The following PIK3CD variants were observed in gnomAD, a reference collection of about 807,000 sequenced individuals.
PIK3CD encodes the protein phosphatidylinositol 4,5-bisphosphate 3-kinase catalytic subunit delta isoform.
PIK3CD carries 20 observed loss-of-function variants against 122.9 expected under a neutral mutation model. That is an observed-to-expected ratio of 0.16 (90% CI 0.11 to 0.24). PIK3CD has a LOEUF of 0.24. PIK3CD is among the 10% of genes least tolerant of loss of function. The pLI is 1.00. For synonymous variants in PIK3CD, 596 were observed against 593.4 expected (o/e 1.00, Z -0.06); for missense variants, 787 against 1,406.3 (o/e 0.56, Z 7.04).
the PIK3CD span, among the ~76,000 whole-genome samples, chr1:9,631,926 A>G: frequency 6.6e-6 from 1 of 152,154 alleles, no homozygotes; most frequent in Non-Finnish European, 1.5e-5. Flanking sequence ...CCAGGGCTCT[A>G]TTCTCAGAGC....
intron 3 of PIK3CD, among the ~76,000 whole-genome samples, chr1:9,712,486 G>A (rs1167759093): frequency 1.3e-5 from 2 of 151,954 alleles, no homozygotes. Context: ...TCACCATGTT[G>A]GCCAGGCTGG....
chr1:9,695,314 C>T lies in PIK3CD; in HGVS notation c.-33+3743C>T, dbSNP rs149057368. On this transcript the variant is annotated intron_variant, in intron 2 of 23. Transcript: ENST00000377346. ...GCTCAAGAAAAAAAGGCAAGAGAAACGGAGGAAGGAAAAGTATGTAGGAAA... is the reference window on the plus strand; with the variant it reads ...GCTCAAGAAAAAAAGGCAAGAGAAATGGAGGAAGGAAAAGTATGTAGGAAA... Among the ~76,000 whole-genome samples the T allele has an allele frequency of 2.7e-3, 404 of 152,056 alleles. 1 individual carries two copies. Among genetic ancestry groups the T allele is most frequent in the African/African-American group, 9.3e-3 (384 of 41,476 alleles).
intron 1 of PIK3CD, among the ~76,000 whole-genome samples, chr1:9,664,049 CTTTTTT>C (rs754341558): frequency 9.8e-6 from 1 of 101,774 alleles, no homozygotes. Context: ...TTCTTTCTTT[CTTTTTT>C]TTTTTTTTTT....
intron 1 of PIK3CD, among the ~76,000 whole-genome samples, chr1:9,674,405 C>T (rs538348945): frequency 5.3e-4 from 81 of 152,216 alleles, no homozygotes; most frequent in African/African-American, 1.9e-3. Context: ...GTTGGCCGGG[C>T]GCGGTGGCTC....
chr1:9,664,049 C>CTTTTTTTTTTTTTTTTTTTTTTTTTTTT (rs754341558), intron 1 of PIK3CD, among the ~76,000 whole-genome samples: 2 of 101,778 alleles, frequency 2.0e-5, no homozygotes, highest in Non-Finnish European at 1.8e-5. Flanking sequence ...TTCTTTCTTT[C>CTTTTTTTTTTTTTTTTTTTTTTTTTTTT]TTTTTTTTTT....
upstream of PIK3CD, among the ~76,000 whole-genome samples, chr1:9,646,824 T>A (rs1022360634): frequency 1.3e-5 from 2 of 151,678 alleles, no homozygotes; most frequent in South Asian, 4.2e-4. Flanking sequence ...GCTTGGTGGC[T>A]CACGCCTTTA....
At chr1:9,657,872 G>A (rs1315383616) in intron 1 of PIK3CD, among the ~76,000 whole-genome samples, 1 of 152,084 alleles carries the variant, frequency 6.6e-6, no homozygotes, top group Non-Finnish European at 1.5e-5. Flanking sequence ...GAGGGGTTTG[G>A]GGAGCCCCAT....
chr1:9,712,660 TTTC>T (rs1647103366), intron 3 of PIK3CD, among the ~76,000 whole-genome samples: 2 of 152,342 alleles, frequency 1.3e-5, no homozygotes, highest in African/African-American at 4.8e-5. Context: ...TTGAGAGTTT[TTTC>T]TTCTTCTCTT....
the PIK3CD span, among the ~76,000 whole-genome samples, chr1:9,643,473 AAGGGAGGG>A: frequency 1.9e-5 from 2 of 102,942 alleles, no homozygotes; most frequent in Non-Finnish European, 3.9e-5. Context: ...GGAGGGAAGG[AAGGGAGGG>A]AGGGAGGGAG....
chr1:9,639,219 A>G, the PIK3CD span, among the ~76,000 whole-genome samples: 3 of 152,056 alleles, frequency 2.0e-5, no homozygotes, highest in South Asian at 2.1e-4. Flanking sequence ...AACCATCTCT[A>G]TTCCTTCTCA....
rs752064221 is a variant in PIK3CD, at chr1:9,721,607, C to A, written c.1955+20C>A. 41 of 1,612,090 alleles carry A rather than the reference C, an allele frequency of 2.5e-5. No homozygotes were observed. Among genetic ancestry groups the A allele is most frequent in the Non-Finnish European group, 3.2e-5 (38 of 1,179,972 alleles). On this transcript the variant is annotated intron_variant, in intron 15 of 23. Transcript: ENST00000377346. ...CCTCCGGTAGCGGGACTTGCCCCAG[C>A]CGTTCTGTGGGAATCCCAGCCCCTG... is the stretch of plus-strand genomic sequence containing the variant.
At chr1:9,716,187 A>G (rs1647401990) in intron 5 of PIK3CD, 109 bp downstream of exon 5, 2 of 999,222 alleles carry the variant, frequency 2.0e-6, no homozygotes, top group Non-Finnish European at 3.1e-6. Context: ...GTGGCATCAG[A>G]TGGTGTTTGC....
Position 9,710,738 on chromosome 1 carries a change from C to G in PIK3CD, c.141+142C>G. On this transcript the variant is annotated intron_variant, in intron 3 of 23. Coordinates refer to ENST00000377346, the MANE Select transcript of PIK3CD (RefSeq NM_005026.5). This position sits in a 1 kb window ranked among gnomAD's most constrained non-coding sequence, Gnocchi z 4.7. Reference sequence around the variant, plus strand: ...ATGGACAGATGCACTGCTTTTCAGACTTGGGATCCTCAGATGAGAATTTTA... The same window carrying G: ...ATGGACAGATGCACTGCTTTTCAGAGTTGGGATCCTCAGATGAGAATTTTA... 1 of 871,204 alleles carries G rather than the reference C, an allele frequency of 1.1e-6. No homozygotes were observed. Among genetic ancestry groups the G allele is most frequent in the Admixed American group, 1.9e-5 (1 of 52,500 alleles). The allele number at this position is 871,204 out of a possible 1,614,324, so 54.0% of individuals were successfully genotyped here.
Position 9,718,706 on chromosome 1 carries a change from G to A in PIK3CD, c.1033G>A (p.Ala345Thr), listed in dbSNP as rs1423364986. The A allele has an allele frequency of 6.2e-7, 1 of 1,603,632 alleles. No homozygotes were observed. Among genetic ancestry groups the A allele is most frequent in the Non-Finnish European group, 8.5e-7 (1 of 1,179,616 alleles). Residue 345 changes from alanine to threonine, a missense_variant, in exon 9 of 24, where the codon GCC (alanine) becomes ACC (threonine). Physicochemically the swap from Ala to Thr is moderately conservative, Grantham distance 58. Transcript: ENST00000377346. This position sits in a 1 kb window ranked among gnomAD's most constrained non-coding sequence, Gnocchi z 7.2. Reference sequence around the variant, plus strand: ...GCACCTTCTACAGCTGGTGGTGCAGGCCGGGCTTTTCCACGGCAACGAGAT... The same window carrying A: ...GCACCTTCTACAGCTGGTGGTGCAGACCGGGCTTTTCCACGGCAACGAGAT... ...ADERMKLVVQ[A>T]GLFHGNEMLC...
chr1:9,686,767 A>G (rs1645980623), intron 1 of PIK3CD, among the ~76,000 whole-genome samples: 1 of 152,236 alleles, frequency 6.6e-6, no homozygotes, highest in Non-Finnish European at 1.5e-5. Flanking sequence ...AAAGAATCAG[A>G]GACTGGTTTT....
Position 9,719,824 on chromosome 1 carries a change from C to T in PIK3CD, c.1243-97C>T, listed in dbSNP as rs1557666754. 1 of 967,404 alleles carries T rather than the reference C, an allele frequency of 1.0e-6. No homozygotes were observed. The allele number at this position is 967,404 out of a possible 1,614,324, so 59.9% of individuals were successfully genotyped here. A position where few individuals can be genotyped will look rare whatever the true frequency, so the allele number is the denominator to read the frequency against. Reference sequence around the variant, plus strand: ...GTCTGGTTGGGAGATGTTAGCTGGGCTCTGGGTCTTCTCGGGTGGGGTGCC... The same window carrying T: ...GTCTGGTTGGGAGATGTTAGCTGGGTTCTGGGTCTTCTCGGGTGGGGTGCC... On this transcript the variant is annotated intron_variant, in intron 9 of 23. Transcript: ENST00000377346. The surrounding 1 kb of genome is among the most constrained non-coding windows in gnomAD (Gnocchi z 5.5).
the PIK3CD span, among the ~76,000 whole-genome samples, chr1:9,639,587 C>T: frequency 2.0e-5 from 3 of 152,146 alleles, no homozygotes. Context: ...GCTGAGCCCC[C>T]CACCCCGGCC....
chr1:9,664,898 G>A (rs540875426), intron 1 of PIK3CD, among the ~76,000 whole-genome samples: 1 of 152,198 alleles, frequency 6.6e-6, no homozygotes, highest in South Asian at 2.1e-4. Context: ...GGGTATTTCA[G>A]TCTTAAGATT....
At chr1:9,697,999 C>G (rs1031008669) in intron 2 of PIK3CD, among the ~76,000 whole-genome samples, 1 of 151,874 alleles carries the variant, frequency 6.6e-6, no homozygotes, top group Non-Finnish European at 1.5e-5. Flanking sequence ...CCACTGCACT[C>G]CAGCCTGGGA....
Sources: gnomAD v4.1 joint callset for allele counts (sites outside exome capture counted in the v4.1 genomes callset) on GRCh38, gnomAD v4.1.1 for gene constraint, Gnocchi (gnomAD v3.1) non-coding constraint, MANE v1.5 for transcripts, NCBI Gene and HGNC (gene_info 2026-07-23, HGNC 2026-07-21) for gene names.